Variants in HS3ST1 observed in about 807,000 individuals in gnomAD.
The protein encoded by HS3ST1 is heparan sulfate glucosamine 3-O-sulfotransferase 1.
HS3ST1 carries 8 observed loss-of-function variants against 20.7 expected under a neutral mutation model. That is an observed-to-expected ratio of 0.39 (90% CI 0.23 to 0.70). The LOEUF is 0.70. Ranked by LOEUF, HS3ST1 falls within the 30% of genes least tolerant of loss-of-function variation. The probability of loss-of-function intolerance (pLI) is 0.46; values close to 1 mark genes in which losing one functional copy is unlikely to be tolerated. For synonymous variants in HS3ST1, 205 were observed against 190.4 expected (o/e 1.08, Z -0.63); for missense variants, 436 against 423.4 (o/e 1.03, Z -0.26).
At chr4:11,430,202 A>G (rs921504529), upstream of HS3ST1, among the ~76,000 whole-genome samples, 1 of 152,318 alleles carries the variant, frequency 6.6e-6, no homozygotes, top group African/African-American at 2.4e-5. Context: ...CTGAAAGCTG[A>G]GACCTAACTG....
chr4:11,399,870 C>T lies in HS3ST1; in HGVS notation c.136G>A (p.Ala46Thr), dbSNP rs111603737. Residue 46 changes from alanine (A) to threonine (T), a missense_variant, in exon 2 of 2, where the codon GCC (alanine) becomes ACC (threonine). Physicochemically the swap from Ala to Thr is moderately conservative, Grantham distance 58. Coordinates refer to ENST00000002596, the MANE Select transcript of HS3ST1 (RefSeq NM_005114.4). This position sits in a 1 kb window ranked among gnomAD's most constrained non-coding sequence, Gnocchi z 5.1. ...TLQDDVRDGVAPNGSAQQLPQ... is the reference protein window; with the variant it reads ...TLQDDVRDGVTPNGSAQQLPQ... ...AACTGCTGGGCAGAGCCGTTTGGGG[C>T]CACGCCATCGCGGACGTCATCCTGG... The T allele has an allele frequency of 1.2e-5, 19 of 1,612,388 alleles. No individual in the cohort carries two copies. In the Admixed American group the frequency reaches 2.8e-4, roughly 24 times the overall value.
At chr4:11,412,574 C>T (rs224464) in intron 1 of HS3ST1, among the ~76,000 whole-genome samples, 147,412 of 152,268 alleles carry the variant, frequency 0.97, 71,527 homozygotes, top group Middle Eastern at 1. Context: ...GCTGAGGTCT[C>T]CTTGATGGGG....
At chr4:11,420,219 T>G (rs1444659515) in intron 1 of HS3ST1, among the ~76,000 whole-genome samples, 1 of 152,238 alleles carries the variant, frequency 6.6e-6, no homozygotes, top group African/African-American at 2.4e-5. Flanking sequence ...CATGAAACTC[T>G]GCTTTGGAAA....
intron 1 of HS3ST1, among the ~76,000 whole-genome samples, chr4:11,427,417 A>G (rs917103105): frequency 6.8e-6 from 1 of 147,346 alleles, no homozygotes; most frequent in African/African-American, 2.5e-5. Flanking sequence ...GTTCTCGGCC[A>G]CCCTCCCCGC....
Position 11,397,480 on chromosome 4 carries a change from G to C in HS3ST1, c.*1602C>G, listed in dbSNP as rs1021387071. ...AGATATTTGGCACCTGGGAAGAAAT[G>C]TTAAGTCAGGTCAGGAAGAACTGGC... is the stretch of plus-strand genomic sequence containing the variant. On this transcript the variant is annotated 3_prime_UTR_variant, in exon 2 of 2. Transcript: ENST00000002596. 1 of 152,284 alleles carries C rather than the reference G, an allele frequency of 6.6e-6. No homozygotes were observed. The highest frequency in any genetic ancestry group is 2.4e-5 in the African/African-American group (1 of 41,478). 9.4% of individuals were successfully genotyped at this position (152,284 alleles called of 1,614,324 possible). A position where few individuals can be genotyped will look rare whatever the true frequency, so the allele number is the denominator to read the frequency against.
chr4:11,414,838 C>T (rs1214186274), intron 1 of HS3ST1, among the ~76,000 whole-genome samples: 1 of 152,152 alleles, frequency 6.6e-6, no homozygotes, highest in East Asian at 1.9e-4. Flanking sequence ...TTTCTTTCTA[C>T]AATTATTATC....
intron 1 of HS3ST1, among the ~76,000 whole-genome samples, chr4:11,407,566 T>A (rs1036257025): frequency 1.3e-5 from 2 of 152,202 alleles, no homozygotes; most frequent in African/African-American, 2.4e-5. Flanking sequence ...ATGAGAATGA[T>A]AAATGCAACC....
In HS3ST1 at chr4:11,395,470, T is replaced by C. The variant is rs1350878440; in HGVS notation, c.*3612A>G. ...CTTTTTTATTTTTTTATTATTAATT[T>C]ATCTTTTTTTTTTTTTTTTTTTTTT... On this transcript the variant is annotated 3_prime_UTR_variant, in exon 2 of 2. Coordinates refer to ENST00000002596, the MANE Select transcript of HS3ST1 (RefSeq NM_005114.4). 1 of 137,592 alleles carries C rather than the reference T, an allele frequency of 7.3e-6. No individual in the cohort carries two copies. Among genetic ancestry groups the C allele is most frequent in the Non-Finnish European group, 1.5e-5 (1 of 65,064 alleles). 8.5% of individuals were successfully genotyped at this position (137,592 alleles called of 1,614,324 possible).
chr4:11,404,574 G>T (rs926986112), intron 1 of HS3ST1, among the ~76,000 whole-genome samples: 1 of 152,162 alleles, frequency 6.6e-6, no homozygotes, highest in Non-Finnish European at 1.5e-5. Flanking sequence ...GATTCTCTAC[G>T]CACTCACAGA....
chr4:11,412,223 G>A (rs1345771810), intron 1 of HS3ST1, among the ~76,000 whole-genome samples: 1 of 152,176 alleles, frequency 6.6e-6, no homozygotes, highest in Non-Finnish European at 1.5e-5. Flanking sequence ...AGGAGCTGGG[G>A]TCTAGTCCCT....
rs555054827 is a variant in HS3ST1, at chr4:11,403,209, A to G, written c.-108-3096T>C. ...CATATGTGTTTGTGTGTGTAAATGT[A>G]TGCACACATATATTCATAGCTAAAT... On this transcript the variant is annotated intron_variant, in intron 1 of 1. Transcript: ENST00000002596. 1.8e-4 allele frequency among the ~76,000 whole-genome samples: 27 copies of G among 152,356 alleles called. 1 individual carries two copies. The East Asian group carries it at 5.2e-3, about 29-fold the overall frequency.
At chr4:11,404,106 A>G (rs552217356) in intron 1 of HS3ST1, among the ~76,000 whole-genome samples, 3 of 152,286 alleles carry the variant, frequency 2.0e-5, no homozygotes, top group Admixed American at 2.0e-4. Flanking sequence ...GTGCAGTGAC[A>G]TGATCTCAGC....
At chr4:11,419,066 A>ACAT (rs1718858797) in intron 1 of HS3ST1, among the ~76,000 whole-genome samples, 1 of 151,738 alleles carries the variant, frequency 6.6e-6, no homozygotes, top group South Asian at 2.1e-4. Context: ...CTGTCACAAA[A>ACAT]CATCACTGGA....
intron 1 of HS3ST1, among the ~76,000 whole-genome samples, chr4:11,417,752 G>A (rs1718823778): frequency 6.6e-6 from 1 of 152,198 alleles, no homozygotes; most frequent in Non-Finnish European, 1.5e-5. Context: ...AAAAATGACA[G>A]AGCTGGGAAG....
chr4:11,421,463 C>G (rs765739048), intron 1 of HS3ST1, among the ~76,000 whole-genome samples: 5 of 152,204 alleles, frequency 3.3e-5, no homozygotes, highest in African/African-American at 1.2e-4. Flanking sequence ...CCCTGCCACA[C>G]AAGTATGTAT....
chr4:11,415,983 G>T (rs180837706), intron 1 of HS3ST1, among the ~76,000 whole-genome samples: 3 of 152,128 alleles, frequency 2.0e-5, no homozygotes, highest in East Asian at 1.9e-4. Context: ...GCTCCAGTAC[G>T]CCTGGAAGTG....
intron 1 of HS3ST1, among the ~76,000 whole-genome samples, chr4:11,415,858 G>C (rs1265511920): frequency 6.6e-6 from 1 of 152,138 alleles, no homozygotes; most frequent in Non-Finnish European, 1.5e-5. Flanking sequence ...AATGAATAGG[G>C]CCCACTGGTC....
At chr4:11,424,840 A>G (rs1040224846) in intron 1 of HS3ST1, among the ~76,000 whole-genome samples, 1 of 140,044 alleles carries the variant, frequency 7.1e-6, no homozygotes, top group African/African-American at 2.7e-5. Context: ...ATGGACAAGG[A>G]GAAAGAGGCC....
At position 11,399,054 on chromosome 4, in the gene HS3ST1, A is replaced by T; in HGVS notation, c.*28T>A. On this transcript the variant is annotated 3_prime_UTR_variant, in exon 2 of 2. Coordinates refer to ENST00000002596, the MANE Select transcript of HS3ST1 (RefSeq NM_005114.4). This position sits in a 1 kb window ranked among gnomAD's most constrained non-coding sequence, Gnocchi z 5.1. ...GATGTACACCAGAACTTACAGTAGG[A>T]AAGTTTCTGAGCTTAGCTTATTGCA... 6.3e-7 allele frequency: 1 copy of T among 1,575,840 alleles called. No homozygotes were observed. The highest frequency in any genetic ancestry group is 8.6e-7 in the Non-Finnish European group (1 of 1,156,298).
Sources: allele counts gnomAD v4.1 joint callset (sites outside exome capture counted in the v4.1 genomes callset), GRCh38; gene constraint gnomAD v4.1.1; non-coding constraint Gnocchi (gnomAD v3.1); transcripts MANE v1.5; gene names NCBI Gene and HGNC (gene_info 2026-07-23, HGNC 2026-07-21).